The following BTAF1 variants were observed in gnomAD, a reference collection of about 807,000 sequenced individuals.
BTAF1 encodes the protein TATA-binding protein-associated factor 172.
In BTAF1, 38 loss-of-function variants were observed where a neutral mutation model predicts 227.1. That is an observed-to-expected ratio of 0.17 (90% CI 0.13 to 0.22). The LOEUF (loss-of-function observed/expected upper bound fraction) is 0.22. Among genes scored for constraint, BTAF1 ranks in the 10% least tolerant of loss-of-function variants. The pLI is 1.00. For synonymous variants in BTAF1, 742 were observed against 751.9 expected (o/e 0.99, Z 0.21); for missense variants, 1,598 against 2,204.0 (o/e 0.73, Z 5.51).
In BTAF1 at chr10:91,929,394, A is replaced by C. The variant is rs112534375; in HGVS notation, c.14+5304A>C. Among the ~76,000 whole-genome samples the C allele has an allele frequency of 7.6e-3, 1,154 of 152,340 alleles. 16 individuals carry two copies. Among genetic ancestry groups the C allele is most frequent in the African/African-American group, 0.026 (1,084 of 41,562 alleles). On this transcript the variant is annotated intron_variant, in intron 1 of 37. Transcript: ENST00000265990. The stretch of plus-strand genomic sequence containing the variant: ...GACTGTTTTAAAAGCCATACCTTAG[A>C]TTTCTCACATATCTTTGCATTTGAA...
chr10:92,023,731 G>T (rs1397050909), intron 34 of BTAF1, among the ~76,000 whole-genome samples: 37 of 152,088 alleles, frequency 2.4e-4, no homozygotes, highest in Non-Finnish European at 7.4e-5. Flanking sequence ...CGCCTTCAGG[G>T]TTCCAGCAAT....
At chr10:91,980,833 T>C (rs1197067880) in intron 15 of BTAF1, among the ~76,000 whole-genome samples, 2 of 152,190 alleles carry the variant, frequency 1.3e-5, no homozygotes, top group Non-Finnish European at 2.9e-5. Flanking sequence ...AGGAAAAGAT[T>C]GCTTTTCTCT....
rs1240566920 is a variant in BTAF1, at chr10:92,030,328, T to C, written c.*1395T>C. 6.6e-6 allele frequency: 1 copy of C among 152,540 alleles called. No homozygotes were observed. The highest frequency in any genetic ancestry group is 1.5e-5 in the Non-Finnish European group (1 of 67,966). 9.4% of individuals were successfully genotyped at this position (152,540 alleles called of 1,614,324 possible). The stretch of plus-strand genomic sequence containing the variant: ...AATATAAGATTGAAACTGTAAAATA[T>C]ATGCAACTGTGTGTTATTTGTAGGA... On this transcript the variant is annotated 3_prime_UTR_variant, in exon 38 of 38. Transcript: ENST00000265990.
At chr10:91,935,574 T>A in intron 1 of BTAF1, 83 bp from the exon 2 acceptor site, 1 of 1,460,630 alleles carries the variant, frequency 6.8e-7, no homozygotes, top group Non-Finnish European at 9.3e-7. Flanking sequence ...ATTCATAGCA[T>A]CTGCTCAGTA....
intron 1 of BTAF1, among the ~76,000 whole-genome samples, chr10:91,927,980 C>CTTTTT (rs60105160): frequency 2.5e-5 from 3 of 121,570 alleles, no homozygotes; most frequent in Admixed American, 8.2e-5. Context: ...TGCCTTTTTT[C>CTTTTT]TTTTTTTTTT....
chr10:92,008,914 A>G lies in BTAF1; in HGVS notation c.3899A>G (p.Gln1300Arg). 6.2e-7 allele frequency: 1 copy of G among 1,613,948 alleles called. No homozygotes were observed. The change falls in exon 27 of 38, where the codon CAG (glutamine) becomes CGG (arginine). Residue 1300 changes from glutamine to arginine, a missense_variant. By Grantham distance (43) the Gln-to-Arg change is conservative (BLOSUM62 1). Around this residue, in one of 10 missense-constraint regions of BTAF1, gnomAD observed 184 missense variants for 341.1 expected, o/e 0.54. Transcript: ENST00000265990. Reference protein sequence around the residue: ...CDDMGLGKTLQSICILAGDHC... With the variant: ...CDDMGLGKTLRSICILAGDHC... ...GACATGGGTTTAGGAAAAACTTTAC[A>G]GTCCATCTGCATTCTAGCAGGAGAT... is the stretch of plus-strand genomic sequence containing the variant.
At chr10:91,980,643 A>G (rs1847994463) in intron 15 of BTAF1, 85 bp downstream of exon 15, 3 of 1,010,796 alleles carry the variant, frequency 3.0e-6, no homozygotes, top group Non-Finnish European at 4.6e-6. Context: ...TCTGTTGGTC[A>G]TTCATATCTC....
At chr10:91,927,739 T>TA (rs1381453041) in intron 1 of BTAF1, among the ~76,000 whole-genome samples, 1 of 152,218 alleles carries the variant, frequency 6.6e-6, no homozygotes, top group Non-Finnish European at 1.5e-5. Flanking sequence ...TTATTTAAAT[T>TA]ATTCACAAGA....
chr10:91,945,003 A>T (rs1845266012), intron 4 of BTAF1, among the ~76,000 whole-genome samples: 2 of 152,244 alleles, frequency 1.3e-5, no homozygotes. Flanking sequence ...AACAGGCTAT[A>T]CCATACAGTG....
intron 1 of BTAF1, among the ~76,000 whole-genome samples, chr10:91,926,055 T>G (rs914482783): frequency 2.6e-5 from 4 of 152,200 alleles, no homozygotes; most frequent in Non-Finnish European, 5.9e-5. Context: ...TTGTGTGTTT[T>G]GGGGATAGTG....
chr10:91,989,771 G>C (rs1160342297), intron 20 of BTAF1, among the ~76,000 whole-genome samples, 191 bp downstream of exon 20: 2 of 152,088 alleles, frequency 1.3e-5, no homozygotes, highest in Admixed American at 6.6e-5. Flanking sequence ...TCACAACCCT[G>C]TAAGTTCAAA....
chr10:91,977,657 G>A (rs571086747), intron 14 of BTAF1, among the ~76,000 whole-genome samples: 1 of 152,194 alleles, frequency 6.6e-6, no homozygotes, highest in Non-Finnish European at 1.5e-5. Flanking sequence ...TTCCAAAATA[G>A]CTGCCCCATT....
At chr10:91,982,416 A>G (rs1848130748) in intron 17 of BTAF1, 171 bp from the exon 18 acceptor site, 5 of 1,063,784 alleles carry the variant, frequency 4.7e-6, no homozygotes, top group Non-Finnish European at 6.6e-6. Flanking sequence ...TAGGATTTAT[A>G]TCTTCTTATG....
At chr10:92,018,468 A>G (rs952526139) in intron 33 of BTAF1, among the ~76,000 whole-genome samples, 1 of 152,220 alleles carries the variant, frequency 6.6e-6, no homozygotes, top group Non-Finnish European at 1.5e-5. Context: ...ATTACCAGGT[A>G]CTTTGAGTGG....
chr10:91,984,117 C>A, intron 18 of BTAF1, 84 bp from the exon 19 acceptor site: 1 of 1,183,994 alleles, frequency 8.4e-7, no homozygotes, highest in Non-Finnish European at 1.2e-6. Context: ...GAATTTAGAA[C>A]TTGGTAGTCT....
At chr10:91,989,932 AT>A (rs1214896853) in intron 20 of BTAF1, among the ~76,000 whole-genome samples, 2 of 152,078 alleles carry the variant, frequency 1.3e-5, no homozygotes, top group Non-Finnish European at 2.9e-5. Flanking sequence ...TATTTAATGA[AT>A]TTTTTTTCCT....
At position 91,991,050 on chromosome 10, in the gene BTAF1, T is replaced by A. The variant is rs1356791985; in HGVS notation, c.2855-1069T>A. Among the ~76,000 whole-genome samples the A allele has an allele frequency of 2.0e-5, 3 of 150,678 alleles. No homozygotes were observed. In the East Asian group the frequency reaches 6.0e-4, roughly 30 times the overall value. On this transcript the variant is annotated intron_variant, in intron 20 of 37. Transcript: ENST00000265990. ...TCACGAGGTCAGAAGTTCGAGACCA[T>A]CCTGACTAGCATGGTGAAACCCCGT...
At chr10:91,964,834 A>T (rs989941412) in intron 13 of BTAF1, among the ~76,000 whole-genome samples, 2 of 152,174 alleles carry the variant, frequency 1.3e-5, no homozygotes, top group African/African-American at 4.8e-5. Flanking sequence ...ATTGTTAGAG[A>T]TAAGTGTCCT....
At chr10:91,992,337 C>A in intron 21 of BTAF1, 28 bp downstream of exon 21, 2 of 1,440,686 alleles carry the variant, frequency 1.4e-6, no homozygotes, top group Non-Finnish European at 1.9e-6. Flanking sequence ...TTTTTTAATG[C>A]TTTGATTTTT....
Sources: gnomAD v4.1 joint callset for allele counts (sites outside exome capture counted in the v4.1 genomes callset) on GRCh38, gnomAD v4.1.1 for gene constraint, gnomAD v4.1.1 regional missense constraint, MANE v1.5 for transcripts, NCBI Gene and HGNC (gene_info 2026-07-23, HGNC 2026-07-21) for gene names.